CCSER2: variants seen among roughly 807,000 people sequenced by gnomAD.
CCSER2 encodes serine-rich coiled-coil domain-containing protein 2.
A neutral mutation model predicts 92.3 loss-of-function variants in CCSER2; 46 were observed. That is an observed-to-expected ratio of 0.50 (90% CI 0.39 to 0.64). The LOEUF is 0.64. Among genes scored for constraint, CCSER2 ranks in the 30% least tolerant of loss-of-function variants. The pLI is 0.00. For missense variants in CCSER2, 1,244 were observed against 1,238.9 expected (o/e 1.00, Z -0.06); for synonymous variants, 433 against 431.4 (o/e 1.00, Z -0.04).
intron 9 of CCSER2, among the ~76,000 whole-genome samples, chr10:84,499,479 C>T (rs1045973542): frequency 6.6e-6 from 1 of 152,116 alleles, no homozygotes; most frequent in Non-Finnish European, 1.5e-5. Context: ...TTGCCTGATT[C>T]ACAAATTGGT....
At chr10:84,513,168 A>T (rs1165319072) in intron 9 of CCSER2, among the ~76,000 whole-genome samples, 2 of 152,084 alleles carry the variant, frequency 1.3e-5, no homozygotes, top group Non-Finnish European at 2.9e-5. Flanking sequence ...TATGGCAGGA[A>T]TTTTTTCTAT....
At chr10:84,409,027 G>T (rs987615665) in intron 3 of CCSER2, among the ~76,000 whole-genome samples, 1 of 152,032 alleles carries the variant, frequency 6.6e-6, no homozygotes. Context: ...CTCTCTCTCT[G>T]TTGCCTGGGC....
chr10:84,408,076 G>T (rs534800818), intron 3 of CCSER2, among the ~76,000 whole-genome samples: 1 of 151,808 alleles, frequency 6.6e-6, no homozygotes, highest in South Asian at 2.1e-4. Context: ...GGGGTGCCAG[G>T]ACTTAATCCA....
Position 84,513,444 on chromosome 10 carries a change from A to G in CCSER2, c.2326-5A>G. The G allele has an allele frequency of 1.3e-6, 2 of 1,567,348 alleles. No homozygotes were observed. Among genetic ancestry groups the G allele is most frequent in the Non-Finnish European group, 1.7e-6 (2 of 1,158,578 alleles). On this transcript the variant is annotated splice_polypyrimidine_tract_variant and splice_region_variant and intron_variant, in intron 9 of 9. Transcript: ENST00000372088. Reference sequence around the variant, plus strand: ...TGCTGCTAATGTTGTTTTTAATTTTAACAGCCTCAAGTACTACAGCCTTCC... The same window carrying G: ...TGCTGCTAATGTTGTTTTTAATTTTGACAGCCTCAAGTACTACAGCCTTCC...
intron 1 of CCSER2, among the ~76,000 whole-genome samples, chr10:84,343,452 G>C (rs1241175515): frequency 1.3e-5 from 2 of 152,080 alleles, no homozygotes; most frequent in Non-Finnish European, 2.9e-5. Context: ...TACTCTACCT[G>C]GTCCTGGGTA....
chr10:84,480,653 T>C (rs1233838784), intron 9 of CCSER2, among the ~76,000 whole-genome samples: 1 of 152,254 alleles, frequency 6.6e-6, no homozygotes, highest in African/African-American at 2.4e-5. Flanking sequence ...ATATATTTAT[T>C]CTATAGCAAA....
intron 6 of CCSER2, 115 bp downstream of exon 6, chr10:84,438,822 AG>A: frequency 1.5e-6 from 1 of 652,374 alleles, no homozygotes; most frequent in South Asian, 2.4e-5. Flanking sequence ...AGATTTCTGT[AG>A]AATAATGCTT....
intron 6 of CCSER2, among the ~76,000 whole-genome samples, chr10:84,439,765 T>C (rs564356982): frequency 6.6e-6 from 1 of 152,334 alleles, no homozygotes; most frequent in South Asian, 2.1e-4. Flanking sequence ...GATTGTTAAC[T>C]TCTCTTGAGG....
At chr10:84,404,585 G>A (rs541451572) in intron 3 of CCSER2, among the ~76,000 whole-genome samples, 6 of 152,136 alleles carry the variant, frequency 3.9e-5, no homozygotes, top group East Asian at 1.9e-4. Context: ...ATGTTTGTCC[G>A]ATTAGCTAGT....
intron 7 of CCSER2, among the ~76,000 whole-genome samples, chr10:84,464,975 A>G (rs951824305): frequency 6.6e-6 from 1 of 152,206 alleles, no homozygotes; most frequent in African/African-American, 2.4e-5. Context: ...ATAAGAGTAT[A>G]GTACAGTAGT....
Position 84,489,944 on chromosome 10 carries a change from A to G in CCSER2, c.2325+12280A>G, listed in dbSNP as rs1266938875. Among the ~76,000 whole-genome samples the G allele has an allele frequency of 7.9e-5, 12 of 152,280 alleles. No homozygotes were observed. In the East Asian group the frequency reaches 2.1e-3, roughly 27 times the overall value. ...TTTTAGGGCAGGCCTGGTGGTGACA[A>G]AGTCTCTCAGCATTTGTTTATCTGT... On this transcript the variant is annotated intron_variant, in intron 9 of 9. Transcript: ENST00000372088.
chr10:84,370,056 G>A (rs1845982606), intron 1 of CCSER2, among the ~76,000 whole-genome samples: 1 of 152,082 alleles, frequency 6.6e-6, no homozygotes, highest in African/African-American at 2.4e-5. Context: ...TAGTAGCCTT[G>A]TAGTATAATT....
intron 9 of CCSER2, among the ~76,000 whole-genome samples, chr10:84,485,194 AC>A (rs936809925): frequency 1.4e-4 from 22 of 152,182 alleles, no homozygotes; most frequent in Admixed American, 6.5e-5. Flanking sequence ...CAATATCAAA[AC>A]CAGGAAATTG....
intron 1 of CCSER2, among the ~76,000 whole-genome samples, chr10:84,333,537 G>A (rs1843685617): frequency 6.6e-6 from 1 of 152,188 alleles, no homozygotes; most frequent in African/African-American, 2.4e-5. Flanking sequence ...CCAAGGATTT[G>A]GACTTCATTT....
chr10:84,476,123 A>G (rs193287177), intron 8 of CCSER2, among the ~76,000 whole-genome samples: 3 of 152,294 alleles, frequency 2.0e-5, no homozygotes, highest in Admixed American at 6.5e-5. Flanking sequence ...GGTGTGAGCT[A>G]CTGCACCCAG....
At chr10:84,460,426 A>C (rs1157589761) in intron 6 of CCSER2, among the ~76,000 whole-genome samples, 1 of 151,810 alleles carries the variant, frequency 6.6e-6, no homozygotes, top group Non-Finnish European at 1.5e-5. Context: ...ATACATGAAG[A>C]ATATTGATCT....
chr10:84,497,286 T>C (rs932316853), intron 9 of CCSER2, among the ~76,000 whole-genome samples: 3 of 152,214 alleles, frequency 2.0e-5, no homozygotes, highest in African/African-American at 7.2e-5. Flanking sequence ...GGTAGAGAAG[T>C]GGAAGACGCA....
At chr10:84,471,805 G>C (rs1846818705) in intron 8 of CCSER2, among the ~76,000 whole-genome samples, 1 of 151,846 alleles carries the variant, frequency 6.6e-6, no homozygotes, top group Admixed American at 6.6e-5. Flanking sequence ...TAATTTTTCT[G>C]AAATTAAAAA....
chr10:84,496,479 G>T (rs1246778988), intron 9 of CCSER2, among the ~76,000 whole-genome samples: 1 of 152,112 alleles, frequency 6.6e-6, no homozygotes, highest in Non-Finnish European at 1.5e-5. Context: ...TAGAGATGGG[G>T]TTTCACCATG....
Sources: gnomAD v4.1 joint callset for allele counts (sites outside exome capture counted in the v4.1 genomes callset) on GRCh38, gnomAD v4.1.1 for gene constraint, MANE v1.5 for transcripts, NCBI Gene and HGNC (gene_info 2026-07-23, HGNC 2026-07-21) for gene names.